HEPHL1: variants seen among roughly 807,000 people sequenced by gnomAD.
The protein encoded by HEPHL1 is hephaestin like 1, also known as ferroxidase HEPHL1.
In HEPHL1, 123 loss-of-function variants were observed where a neutral mutation model predicts 122.0. The observed-to-expected ratio is 1.01, with a 90% confidence interval of 0.87 to 1.17. HEPHL1 has a LOEUF of 1.17. HEPHL1 is among the 50% of genes most tolerant of loss of function. HEPHL1 has a pLI of 0.00. For missense variants in HEPHL1, 1,452 were observed against 1,430.5 expected (o/e 1.01, Z -0.24); for synonymous variants, 527 against 508.9 (o/e 1.04, Z -0.48).
At chr11:94,029,980 G>A (rs778404070) in intron 1 of HEPHL1, among the ~76,000 whole-genome samples, 27 of 152,180 alleles carry the variant, frequency 1.8e-4, no homozygotes, top group Non-Finnish European at 3.7e-4. Context: ...CATATGTGAA[G>A]ATGTGAGCAT....
intron 2 of HEPHL1, among the ~76,000 whole-genome samples, chr11:94,057,381 G>T (rs1416999952): frequency 6.6e-6 from 1 of 151,814 alleles, no homozygotes; most frequent in African/African-American, 2.4e-5. Context: ...CCCTCTTTCT[G>T]CAGACAACTG....
rs1394978390 is a variant in HEPHL1 at position 94,086,125 on chromosome 11, C to G, written c.2016C>G (p.His672Gln). The G allele has an allele frequency of 6.2e-7, 1 of 1,613,546 alleles. No individual in the cohort carries two copies. Among genetic ancestry groups the G allele is most frequent in the Non-Finnish European group, 8.5e-7 (1 of 1,179,820 alleles). Residue 672 changes from histidine to glutamine, a missense_variant, in exon 11 of 20, where the codon CAC becomes CAG. By Grantham distance (24) the His-to-Gln change is conservative. Transcript: ENST00000315765. ...ACACCATCCACCTACGAGGGACTCA[C>G]CGAGACTCCCTGGCCCTGTTTCCCC... ...QGNTIHLRGT[H>Q]RDSLALFPHM...
chr11:94,021,956 A>G (rs1945585576), intron 1 of HEPHL1, among the ~76,000 whole-genome samples: 2 of 152,218 alleles, frequency 1.3e-5, no homozygotes. Context: ...GAAACATCAT[A>G]ATGGGAGATA....
At position 94,114,067 on chromosome 11, in the gene HEPHL1, G is replaced by A. The variant is rs1946472608; in HGVS notation, c.*2173G>A. The stretch of plus-strand genomic sequence containing the variant: ...GGACAGTCTCTTCATTTGACTTTGG[G>A]TCTCATTGCTTCTTGCTTTCTCAAG... On this transcript the variant is annotated 3_prime_UTR_variant, in exon 20 of 20. Coordinates refer to ENST00000315765, the MANE Select transcript of HEPHL1 (RefSeq NM_001098672.2). 6.6e-6 allele frequency among the ~76,000 whole-genome samples: 1 copy of A among 152,088 alleles called. No homozygotes were observed.
chr11:94,047,020 A>C (rs534812684), intron 2 of HEPHL1, among the ~76,000 whole-genome samples: 16 of 152,304 alleles, frequency 1.1e-4, no homozygotes, highest in African/African-American at 3.6e-4. Context: ...CCATGTCTCT[A>C]TAAGCAGCGA....
rs553699503 is a variant in HEPHL1 at position 94,106,341 on chromosome 11, G to A, written c.3045+211G>A. ...GGAGTCTTGCTCTGTTGCCCAGGGC[G>A]GAGTGCAGTGGCACAATCTCAGCTC... is the stretch of plus-strand genomic sequence containing the variant. On this transcript the variant is annotated intron_variant, in intron 17 of 19. Transcript: ENST00000315765. Among the ~76,000 whole-genome samples the A allele has an allele frequency of 1.1e-4, 16 of 150,618 alleles. No individual in the cohort carries two copies. In the South Asian group the frequency reaches 2.1e-3, roughly 20 times the overall value.
intron 2 of HEPHL1, among the ~76,000 whole-genome samples, chr11:94,059,920 G>A (rs1272992804): frequency 6.6e-6 from 1 of 151,740 alleles, no homozygotes; most frequent in African/African-American, 2.4e-5. Flanking sequence ...TTCAAAATAA[G>A]TGATCTCAAT....
chr11:94,034,797 A>G (rs1294037810), intron 1 of HEPHL1, among the ~76,000 whole-genome samples: 1 of 152,204 alleles, frequency 6.6e-6, no homozygotes, highest in Non-Finnish European at 1.5e-5. Context: ...ACATCCCCCA[A>G]ATCAGGCATG....
intron 9 of HEPHL1, among the ~76,000 whole-genome samples, chr11:94,077,089 A>T (rs1250911261): frequency 6.6e-6 from 1 of 152,254 alleles, no homozygotes; most frequent in African/African-American, 2.4e-5. Flanking sequence ...CTTTGTTTTT[A>T]TGGGTTATTT....
intron 2 of HEPHL1, among the ~76,000 whole-genome samples, chr11:94,053,598 A>G (rs1945910021): frequency 6.6e-6 from 1 of 151,830 alleles, no homozygotes; most frequent in Non-Finnish European, 1.5e-5. Flanking sequence ...TTAAAATCTA[A>G]ATTTCCTTTT....
At chr11:94,108,372 A>G (rs972988474) in intron 17 of HEPHL1, among the ~76,000 whole-genome samples, 1 of 152,082 alleles carries the variant, frequency 6.6e-6, no homozygotes, top group Non-Finnish European at 1.5e-5. Context: ...CATTCTCTTA[A>G]CAGCTTTCAA....
At chr11:94,035,565 A>T (rs899332532) in intron 1 of HEPHL1, among the ~76,000 whole-genome samples, 1 of 152,094 alleles carries the variant, frequency 6.6e-6, no homozygotes, top group African/African-American at 2.4e-5. Context: ...ACACATGTAT[A>T]CATGTGCCAT....
intron 4 of HEPHL1, among the ~76,000 whole-genome samples, chr11:94,066,611 A>G (rs907233247): frequency 1.3e-5 from 2 of 152,168 alleles, no homozygotes; most frequent in Non-Finnish European, 2.9e-5. Context: ...GTAAAGGAAA[A>G]AATTTAATTA....
intron 12 of HEPHL1, among the ~76,000 whole-genome samples, chr11:94,092,993 A>G (rs1005335100): frequency 5.9e-5 from 9 of 152,170 alleles, no homozygotes; most frequent in Non-Finnish European, 1.2e-4. Context: ...TACACAATAC[A>G]TGACTATGGT....
At position 94,082,062 on chromosome 11, in the gene HEPHL1, G is replaced by A. The variant is rs567928120; in HGVS notation, c.1717-356G>A. Among the ~76,000 whole-genome samples the A allele has an allele frequency of 3.9e-5, 6 of 152,320 alleles. No individual in the cohort carries two copies. The East Asian group carries it at 9.7e-4, about 25-fold the overall frequency. ...GGGTGTCTGGAGCAAGCTAGGAGGT[G>A]AGTACAGGGAAATGAAGTCAGAGAG... On this transcript the variant is annotated intron_variant, in intron 9 of 19. Coordinates refer to ENST00000315765, the MANE Select transcript of HEPHL1 (RefSeq NM_001098672.2).
intron 7 of HEPHL1, 30 bp from the exon 8 acceptor site, chr11:94,073,278 T>C: frequency 1.2e-6 from 2 of 1,608,376 alleles, no homozygotes; most frequent in Non-Finnish European, 1.7e-6. Context: ...TTTCATTCTC[T>C]TCTCTCTCTT....
intron 17 of HEPHL1, among the ~76,000 whole-genome samples, chr11:94,106,517 A>AATCT (rs1249144626): frequency 2.2e-4 from 33 of 151,768 alleles, no homozygotes; most frequent in African/African-American, 7.7e-4. Context: ...GGATGGTCTC[A>AATCT]ATCTCCTGAC....
chr11:94,035,864 G>A (rs1405358267), intron 1 of HEPHL1, among the ~76,000 whole-genome samples: 1 of 152,156 alleles, frequency 6.6e-6, no homozygotes, highest in East Asian at 1.9e-4. Flanking sequence ...AGCCTCCTGA[G>A]TAGCTGGGAC....
intron 4 of HEPHL1, among the ~76,000 whole-genome samples, chr11:94,065,426 T>G (rs1183373210): frequency 6.6e-6 from 1 of 152,232 alleles, no homozygotes. Context: ...GAGAGTTTCC[T>G]GAGAGAAGTC....
Sources: gnomAD v4.1 joint callset for allele counts (sites outside exome capture counted in the v4.1 genomes callset) on GRCh38, gnomAD v4.1.1 for gene constraint, MANE v1.5 for transcripts, NCBI Gene and HGNC (gene_info 2026-07-23, HGNC 2026-07-21) for gene names.